Variants in PIK3C2G observed in about 807,000 individuals in gnomAD.
PIK3C2G encodes the protein phosphatidylinositol 3-kinase C2 domain-containing subunit gamma.
PIK3C2G carries 168 observed loss-of-function variants against 181.1 expected under a neutral mutation model. The ratio of observed to expected loss-of-function variants is 0.93; its 90% CI spans 0.82 to 1.05. The LOEUF is 1.05. PIK3C2G is among the 50% of genes least tolerant of loss of function. The pLI, the probability that PIK3C2G is intolerant of heterozygous loss-of-function variation, is 0.00. For synonymous variants in PIK3C2G, 573 were observed against 592.2 expected (o/e 0.97, Z 0.47); for missense variants, 1,869 against 1,732.8 (o/e 1.08, Z -1.40).
At chr12:18,650,217 C>T (rs1280198123), downstream of PIK3C2G, among the ~76,000 whole-genome samples, 1 of 151,694 alleles carries the variant, frequency 6.6e-6, no homozygotes, top group Non-Finnish European at 1.5e-5. Context: ...GTTTTATCCA[C>T]ATCCTTTCCC....
At chr12:18,595,589 G>A (rs1346200958) in intron 30 of PIK3C2G, among the ~76,000 whole-genome samples, 1 of 152,044 alleles carries the variant, frequency 6.6e-6, no homozygotes, top group Non-Finnish European at 1.5e-5. Context: ...GGAATTTAAG[G>A]AATTTATTTT....
intron 11 of PIK3C2G, among the ~76,000 whole-genome samples, chr12:18,359,974 T>G (rs540161929): frequency 2.6e-5 from 4 of 152,146 alleles, no homozygotes; most frequent in Non-Finnish European, 4.4e-5. Flanking sequence ...TTTAAAGTAA[T>G]TAATAGTAAA....
intron 13 of PIK3C2G, among the ~76,000 whole-genome samples, chr12:18,372,036 C>A (rs1942099411): frequency 6.6e-6 from 1 of 151,950 alleles, no homozygotes; most frequent in African/African-American, 2.4e-5. Context: ...GCATATTTTT[C>A]CCTCTGCTGT....
At chr12:18,658,758 C>T in the PIK3C2G span, among the ~76,000 whole-genome samples, 21 of 152,154 alleles carry the variant, frequency 1.4e-4, no homozygotes, top group African/African-American at 5.1e-4. Flanking sequence ...TATTCTATTT[C>T]ACAGAGAGTA....
At chr12:18,546,745 G>C (rs1944452226) in intron 26 of PIK3C2G, among the ~76,000 whole-genome samples, 1 of 151,962 alleles carries the variant, frequency 6.6e-6, no homozygotes, top group South Asian at 2.1e-4. Context: ...ACTATGTCCA[G>C]AAAAACAATT....
chr12:18,359,647 T>A (rs963771526), intron 11 of PIK3C2G, among the ~76,000 whole-genome samples: 7 of 152,198 alleles, frequency 4.6e-5, no homozygotes, highest in Non-Finnish European at 7.3e-5. Context: ...TGGGTACAGA[T>A]ATATTTAAAA....
the PIK3C2G span, among the ~76,000 whole-genome samples, chr12:18,679,581 C>T: frequency 1.3e-5 from 2 of 151,826 alleles, no homozygotes; most frequent in Non-Finnish European, 2.9e-5. Flanking sequence ...GTAAACATTG[C>T]CTCAATGTTT....
intron 14 of PIK3C2G, among the ~76,000 whole-genome samples, chr12:18,389,194 T>C (rs1234306310): frequency 1.3e-5 from 2 of 151,694 alleles, no homozygotes; most frequent in East Asian, 3.9e-4. Flanking sequence ...CTACTAAAAA[T>C]ACAAAAAAAT....
At chr12:18,389,284 T>G (rs932652023) in intron 14 of PIK3C2G, among the ~76,000 whole-genome samples, 2 of 149,408 alleles carry the variant, frequency 1.3e-5, no homozygotes, top group African/African-American at 5.0e-5. Context: ...ACCCGGCAGG[T>G]GGAGCTTGCA....
At chr12:18,379,433 C>T (rs1480382350) in intron 13 of PIK3C2G, among the ~76,000 whole-genome samples, 3 of 151,952 alleles carry the variant, frequency 2.0e-5, no homozygotes, top group African/African-American at 7.3e-5. Context: ...TTAATGGGTG[C>T]AGCACACCAA....
At chr12:18,338,370 TA>T (rs1938752799) in intron 8 of PIK3C2G, 55 bp from the exon 9 acceptor site, 1 of 1,315,774 alleles carries the variant, frequency 7.6e-7, no homozygotes, top group Non-Finnish European at 1.1e-6. Flanking sequence ...GAGGATAAAT[TA>T]ATGTCCCCTC....
At chr12:18,312,690 C>A (rs1950690503) in intron 5 of PIK3C2G, among the ~76,000 whole-genome samples, 1 of 151,906 alleles carries the variant, frequency 6.6e-6, no homozygotes, top group Non-Finnish European at 1.5e-5. Context: ...TATGGATACC[C>A]CAGGGACAAG....
intron 24 of PIK3C2G, among the ~76,000 whole-genome samples, chr12:18,533,437 C>T (rs987562840): frequency 9.2e-5 from 14 of 152,108 alleles, no homozygotes; most frequent in African/African-American, 3.1e-4. Flanking sequence ...CTGAAATATG[C>T]TTTTAAGTCT....
intron 31 of PIK3C2G, among the ~76,000 whole-genome samples, chr12:18,616,926 TA>T (rs1158798774): frequency 3.3e-4 from 51 of 152,292 alleles, no homozygotes; most frequent in African/African-American, 1.2e-3. Flanking sequence ...ATTTTATTTT[TA>T]TCCAGTAGTT....
intron 17 of PIK3C2G, among the ~76,000 whole-genome samples, chr12:18,423,144 A>C (rs1349008854): frequency 6.6e-6 from 1 of 151,042 alleles, no homozygotes; most frequent in African/African-American, 2.4e-5. Flanking sequence ...AGAGAGAGAG[A>C]GAGTGTGTGT....
the PIK3C2G span, chr12:18,683,720 T>G: frequency 4.1e-6 from 4 of 967,712 alleles, no homozygotes; most frequent in Non-Finnish European, 5.8e-6. Context: ...ATAAAGGTAG[T>G]CAGCCCTGAA....
chr12:18,292,548 A>C (rs2137213680), intron 4 of PIK3C2G, among the ~76,000 whole-genome samples: 1 of 152,122 alleles, frequency 6.6e-6, no homozygotes, highest in African/African-American at 2.4e-5. Flanking sequence ...ATGATGCTGC[A>C]CCTTGATCCA....
chr12:18,302,312 C>T (rs930914333), intron 5 of PIK3C2G, among the ~76,000 whole-genome samples: 10 of 152,154 alleles, frequency 6.6e-5, no homozygotes, highest in Admixed American at 6.5e-5. Context: ...AACACTCAGG[C>T]TCCCAGGAGG....
intron 18 of PIK3C2G, among the ~76,000 whole-genome samples, chr12:18,445,446 A>T (rs570497042): frequency 6.6e-6 from 1 of 151,978 alleles, no homozygotes; most frequent in Non-Finnish European, 1.5e-5. Context: ...GTGGCAGCCT[A>T]CTAGTGAAAA....
Sources: gnomAD v4.1 joint callset for allele counts (sites outside exome capture counted in the v4.1 genomes callset) on GRCh38, gnomAD v4.1.1 for gene constraint, MANE v1.5 for transcripts, NCBI Gene and HGNC (gene_info 2026-07-23, HGNC 2026-07-21) for gene names.